Variants in BCR observed in about 807,000 individuals in gnomAD.
The protein encoded by BCR is breakpoint cluster region protein.
Under a neutral mutation model 138.6 loss-of-function variants are expected in BCR, and 58 were observed. The ratio of observed to expected loss-of-function variants is 0.42; its 90% CI spans 0.34 to 0.52. BCR has a LOEUF of 0.52. BCR is among the 20% of genes least tolerant of loss of function. The pLI is 0.06. For synonymous variants in BCR, 786 were observed against 730.1 expected (o/e 1.08, Z -1.23); for missense variants, 1,599 against 1,727.2 (o/e 0.93, Z 1.32).
At chr22:23,195,974 C>T (rs1391625820) in intron 1 of BCR, among the ~76,000 whole-genome samples, 1 of 152,172 alleles carries the variant, frequency 6.6e-6, no homozygotes, top group Non-Finnish European at 1.5e-5. Context: ...AAAACATTGC[C>T]ATCTTCAAAT....
intron 3 of BCR, 73 bp downstream of exon 3, chr22:23,261,127 T>A: frequency 6.8e-7 from 1 of 1,461,558 alleles, no homozygotes; most frequent in Non-Finnish European, 9.5e-7. Flanking sequence ...TCTTTGCCCT[T>A]AAGTCCCAGG....
chr22:23,238,249 TTA>T (rs2146251749), intron 1 of BCR, among the ~76,000 whole-genome samples: 1 of 152,106 alleles, frequency 6.6e-6, no homozygotes, highest in South Asian at 2.1e-4. Context: ...ACAGAGGGAA[TTA>T]TATTTCCTTT....
intron 1 of BCR, among the ~76,000 whole-genome samples, chr22:23,190,660 C>G (rs2072401920): frequency 6.6e-6 from 1 of 152,174 alleles, no homozygotes. Flanking sequence ...GAGTCCGTTA[C>G]TGGGCAGCAG....
At chr22:23,204,805 T>TG (rs1229082598) in intron 1 of BCR, among the ~76,000 whole-genome samples, 1 of 152,016 alleles carries the variant, frequency 6.6e-6, no homozygotes, top group African/African-American at 2.4e-5. Flanking sequence ...TCCGCGTGGA[T>TG]GGGGGAGACG....
chr22:23,190,603 C>A (rs965898194), intron 1 of BCR, among the ~76,000 whole-genome samples: 18 of 152,158 alleles, frequency 1.2e-4, no homozygotes, highest in African/African-American at 3.9e-4. Flanking sequence ...GGAGTTAGAA[C>A]GTCAACATAT....
At chr22:23,304,099 ATTTTTTTTTTTTTTTT>A (rs56805241) in intron 16 of BCR, among the ~76,000 whole-genome samples, 1 of 102,210 alleles carries the variant, frequency 9.8e-6, no homozygotes, top group East Asian at 2.7e-4. Flanking sequence ...ATGCCAGGCT[ATTTTTTTTTTTTTTTT>A]TTTTTTTTGA....
chr22:23,303,480 T>C lies in BCR; in HGVS notation c.3013-5944T>C, dbSNP rs573291989. Among the ~76,000 whole-genome samples, 3 of 152,192 alleles carry C rather than the reference T, an allele frequency of 2.0e-5. No individual in the cohort carries two copies. In the South Asian group the frequency reaches 6.2e-4, roughly 32 times the overall value. On this transcript the variant is annotated intron_variant, in intron 16 of 22. Transcript: ENST00000305877. ...GGTCTCTGATGTGCCTGGGGGGCAT[T>C]CCGAGATGAATGAGACATGCATGGT...
At position 23,315,685 on chromosome 22, in the gene BCR, G is replaced by A. The variant is rs981861669; in HGVS notation, c.*163G>A. On this transcript the variant is annotated 3_prime_UTR_variant, in exon 23 of 23. Coordinates refer to ENST00000305877, the MANE Select transcript of BCR (RefSeq NM_004327.4). ...CCCAAAGCCGAAGGACAGGTGGCCT[G>A]GAAAGATCCCGCCCAGGTCTGGGAG... 52 of 757,742 alleles carry A rather than the reference G, an allele frequency of 6.9e-5. No homozygotes were observed. In the Admixed American group the frequency reaches 7.5e-4, roughly 11 times the overall value. The allele number at this position is 757,742 out of a possible 1,614,324, so 46.9% of individuals were successfully genotyped here.
At chr22:23,247,834 G>A (rs1025291538) in intron 1 of BCR, among the ~76,000 whole-genome samples, 2 of 152,164 alleles carry the variant, frequency 1.3e-5, no homozygotes, top group African/African-American at 4.8e-5. Context: ...TTTTGTGTCT[G>A]GCTTATTCCA....
intron 15 of BCR, among the ~76,000 whole-genome samples, chr22:23,293,842 G>A (rs1330262966): frequency 6.8e-6 from 1 of 147,998 alleles, no homozygotes; most frequent in Non-Finnish European, 1.5e-5. Context: ...AGAAATTCCT[G>A]CTGCTTGCTT....
intron 8 of BCR, among the ~76,000 whole-genome samples, chr22:23,276,867 G>C (rs2073583859): frequency 1.3e-5 from 2 of 152,360 alleles, no homozygotes; most frequent in African/African-American, 4.8e-5. Context: ...ACTGATTTGG[G>C]GACACCCTTT....
rs118067926 is a variant in BCR, at chr22:23,246,144, G to T, written c.1280-7655G>T. On this transcript the variant is annotated intron_variant, in intron 1 of 22. Coordinates refer to ENST00000305877, the MANE Select transcript of BCR (RefSeq NM_004327.4). ...AATTTCCTTCCCTTTGAAGGCAGAG[G>T]CCGGGTGTAGTGGCTCACACCTGCA... Among the ~76,000 whole-genome samples the T allele has an allele frequency of 3.5e-3, 530 of 152,310 alleles. 4 individuals carry two copies. Among genetic ancestry groups the T allele is most frequent in the African/African-American group, 0.012 (498 of 41,562 alleles).
intron 13 of BCR, chr22:23,289,851 C>T: frequency 1.7e-6 from 1 of 573,776 alleles, no homozygotes; most frequent in Non-Finnish European, 3.1e-6. Context: ...AGATGCACGG[C>T]TTCTGTTCCT....
chr22:23,299,836 G>A (rs2073885186), intron 16 of BCR, among the ~76,000 whole-genome samples: 1 of 152,104 alleles, frequency 6.6e-6, no homozygotes, highest in Admixed American at 6.5e-5. Context: ...TGGGGCGGGA[G>A]CCAGCCAAGC....
intron 16 of BCR, among the ~76,000 whole-genome samples, chr22:23,299,097 C>T (rs947264250): frequency 1.3e-5 from 2 of 152,106 alleles, no homozygotes; most frequent in African/African-American, 2.4e-5. Flanking sequence ...CCTGGGTTCA[C>T]GCCATTCTCC....
chr22:23,290,198 C>T, intron 13 of BCR, 141 bp from the exon 14 acceptor site: 1 of 820,232 alleles, frequency 1.2e-6, no homozygotes. Context: ...GTTTTTGGCC[C>T]ATGACACTGG....
chr22:23,192,850 A>G (rs1309075444), intron 1 of BCR, among the ~76,000 whole-genome samples: 1 of 152,194 alleles, frequency 6.6e-6, no homozygotes, highest in Non-Finnish European at 1.5e-5. Context: ...GCGGAGATAC[A>G]CAGAGGTAGC....
At chr22:23,237,118 A>G (rs976071408) in intron 1 of BCR, among the ~76,000 whole-genome samples, 5 of 152,212 alleles carry the variant, frequency 3.3e-5, no homozygotes, top group African/African-American at 1.2e-4. Context: ...CTGCAGTGGC[A>G]TGGTGATATA....
intron 1 of BCR, among the ~76,000 whole-genome samples, chr22:23,202,965 C>T (rs1179522919): frequency 6.6e-6 from 1 of 152,094 alleles, no homozygotes; most frequent in Non-Finnish European, 1.5e-5. Context: ...TCCTGTGATC[C>T]TCCCACCTCA....
Sources: allele counts gnomAD v4.1 joint callset (sites outside exome capture counted in the v4.1 genomes callset), GRCh38; gene constraint gnomAD v4.1.1; transcripts MANE v1.5; gene names NCBI Gene and HGNC (gene_info 2026-07-23, HGNC 2026-07-21).